The following KCNU1 variants were observed in gnomAD, a reference collection of about 807,000 sequenced individuals.
KCNU1 encodes the protein potassium calcium-activated channel subfamily U member 1.
In KCNU1, 93 loss-of-function variants were observed where a neutral mutation model predicts 126.8. The observed-to-expected ratio is 0.73, with a 90% CI of 0.62 to 0.87. The LOEUF is 0.87. Ranked by LOEUF, KCNU1 falls within the 40% of genes least tolerant of loss-of-function variation. The pLI is 0.00. For missense variants in KCNU1, 1,330 were observed against 1,367.1 expected, an observed-to-expected ratio of 0.97 and a Z score of 0.43; for synonymous variants, 523 against 494.2, an observed-to-expected ratio of 1.06 and a Z score of -0.77.
At chr8:36,854,643 A>G (rs1805468845) in intron 18 of KCNU1, among the ~76,000 whole-genome samples, 1 of 152,108 alleles carries the variant, frequency 6.6e-6, no homozygotes, top group African/African-American at 2.4e-5. Context: ...GGTTATTTAT[A>G]TATAGGTTTT....
intron 2 of KCNU1, among the ~76,000 whole-genome samples, chr8:36,797,890 T>C (rs1414408917): frequency 6.6e-6 from 1 of 152,216 alleles, no homozygotes; most frequent in East Asian, 1.9e-4. Flanking sequence ...ATGTAGCCTC[T>C]CTCCTCTGTT....
chr8:36,807,400 C>T lies in KCNU1; in HGVS notation c.606C>T (p.Arg202=). ...GTTTAAGGTTCCTAAGAGCCTTGCG[C>T]CTGCTAGAACTCCCTCAAATCTTGC... ...WLGLRFLRAL[R]LLELPQILQI... is the part of the protein sequence containing the mutation. The change falls in exon 6 of 27, where the codon CGC becomes CGT. Residue 202 remains arginine (R), a synonymous_variant. Transcript: ENST00000399881. The T allele has an allele frequency of 6.2e-7, 1 of 1,613,448 alleles. No homozygotes were observed. The highest frequency in any genetic ancestry group is 8.5e-7 in the Non-Finnish European group (1 of 1,179,500).
intron 2 of KCNU1, among the ~76,000 whole-genome samples, chr8:36,789,797 G>A (rs1438367169): frequency 6.6e-6 from 1 of 152,186 alleles, no homozygotes; most frequent in Non-Finnish European, 1.5e-5. Context: ...AGCAATTGAA[G>A]AATTAAGGAA....
chr8:36,860,300 A>G (rs1038481509), intron 18 of KCNU1, among the ~76,000 whole-genome samples: 2 of 152,118 alleles, frequency 1.3e-5, no homozygotes, highest in African/African-American at 2.4e-5. Flanking sequence ...GATGGTCTCA[A>G]TCTCCTGACC....
chr8:36,808,934 G>A, intron 7 of KCNU1, 141 bp downstream of exon 7: 1 of 614,894 alleles, frequency 1.6e-6, no homozygotes, highest in Non-Finnish European at 2.9e-6. Flanking sequence ...CCATTTTCAG[G>A]TTTTCTTTAC....
intron 19 of KCNU1, among the ~76,000 whole-genome samples, chr8:36,877,174 A>G (rs1406625143): frequency 6.6e-6 from 1 of 152,174 alleles, no homozygotes; most frequent in Non-Finnish European, 1.5e-5. Context: ...CATCTGGGCT[A>G]GCAGTTGGGG....
chr8:36,928,941 A>G, intron 24 of KCNU1: 1 of 685,094 alleles, frequency 1.5e-6, no homozygotes, highest in Non-Finnish European at 2.6e-6. Flanking sequence ...ACTCATTAAT[A>G]TCACTTCAGA....
chr8:36,877,115 G>A (rs983174037), intron 19 of KCNU1, among the ~76,000 whole-genome samples: 3 of 152,226 alleles, frequency 2.0e-5, no homozygotes, highest in Admixed American at 6.5e-5. Context: ...CAAAAATGAA[G>A]GGCAAAGCAG....
At chr8:36,929,929 C>A (rs1178307516) in intron 24 of KCNU1, among the ~76,000 whole-genome samples, 3 of 151,976 alleles carry the variant, frequency 2.0e-5, no homozygotes, top group Non-Finnish European at 4.4e-5. Flanking sequence ...CAAGGCAGAA[C>A]AAGAAGTAAA....
intron 9 of KCNU1, among the ~76,000 whole-genome samples, chr8:36,816,466 A>G (rs1803916054): frequency 6.6e-6 from 1 of 152,204 alleles, no homozygotes; most frequent in Non-Finnish European, 1.5e-5. Flanking sequence ...CTCTTAATAC[A>G]GTTGGATGAA....
rs1361182681 is a variant in KCNU1 at position 36,932,193 on chromosome 8, G to A, written c.2932-727G>A. 2.6e-5 allele frequency among the ~76,000 whole-genome samples: 4 copies of A among 152,078 alleles called. No individual in the cohort carries two copies. In the South Asian group the frequency reaches 8.3e-4, roughly 32 times the overall value. Reference sequence around the variant, plus strand: ...CCAGAAGCTCCCTCTTTGTAGTCTGGTCCTTTGCATTTCCGTAGTCCCGGA... The same window carrying A: ...CCAGAAGCTCCCTCTTTGTAGTCTGATCCTTTGCATTTCCGTAGTCCCGGA... On this transcript the variant is annotated intron_variant, in intron 25 of 26. Transcript: ENST00000399881.
At chr8:36,899,119 G>A (rs1229605735) in intron 19 of KCNU1, among the ~76,000 whole-genome samples, 1 of 152,040 alleles carries the variant, frequency 6.6e-6, no homozygotes, top group African/African-American at 2.4e-5. Flanking sequence ...AAAAAGCGCT[G>A]CAGAAAAGCT....
At chr8:36,837,460 G>A (rs1261159712) in intron 14 of KCNU1, among the ~76,000 whole-genome samples, 2 of 152,158 alleles carry the variant, frequency 1.3e-5, no homozygotes, top group Non-Finnish European at 2.9e-5. Context: ...ACCACATGAT[G>A]AGTGCCTACT....
chr8:36,909,940 T>C (rs1807800244), intron 21 of KCNU1, among the ~76,000 whole-genome samples: 1 of 152,238 alleles, frequency 6.6e-6, no homozygotes, highest in Non-Finnish European at 1.5e-5. Context: ...ATTTGTGCTC[T>C]AGCTTTTTCA....
rs562144863 is a variant in KCNU1, at chr8:36,880,225, G to A, written c.2009+15704G>A. On this transcript the variant is annotated intron_variant, in intron 19 of 26. Coordinates refer to ENST00000399881, the MANE Select transcript of KCNU1 (RefSeq NM_001031836.3). ...ATTGCTTATAGAATTTCATTTACTCGGATTGGCAGCTTGATAAATACGTCT... is the reference window on the plus strand; with the variant it reads ...ATTGCTTATAGAATTTCATTTACTCAGATTGGCAGCTTGATAAATACGTCT... Among the ~76,000 whole-genome samples the A allele has an allele frequency of 4.7e-4, 71 of 152,056 alleles. 1 individual carries two copies. The highest frequency in any genetic ancestry group is 1.6e-3 in the African/African-American group (68 of 41,474).
chr8:36,901,599 A>G (rs1049121586), intron 19 of KCNU1, among the ~76,000 whole-genome samples: 1 of 152,164 alleles, frequency 6.6e-6, no homozygotes, highest in African/African-American at 2.4e-5. Context: ...ACACAGCCAC[A>G]AGTGGATAGG....
intron 16 of KCNU1, among the ~76,000 whole-genome samples, chr8:36,845,083 A>G (rs1344238904): frequency 1.3e-5 from 2 of 152,244 alleles, no homozygotes; most frequent in African/African-American, 4.8e-5. Context: ...AACTGAAGTC[A>G]AAAGAAACGC....
rs114697286 is a variant in KCNU1 at position 36,906,872 on chromosome 8, C to T, written c.2106+1068C>T. 6.0e-3 allele frequency among the ~76,000 whole-genome samples: 916 copies of T among 152,094 alleles called. 15 individuals carry two copies. Among genetic ancestry groups the T allele is most frequent in the African/African-American group, 0.021 (875 of 41,522 alleles). ...CAATTATGTCTTATTCTGAACTGTA[C>T]GAAATAAACATCCGTTGAGCAGGAA... On this transcript the variant is annotated intron_variant, in intron 20 of 26. Coordinates refer to ENST00000399881, the MANE Select transcript of KCNU1 (RefSeq NM_001031836.3).
At chr8:36,887,464 T>G (rs1346381960) in intron 19 of KCNU1, among the ~76,000 whole-genome samples, 1 of 150,898 alleles carries the variant, frequency 6.6e-6, no homozygotes, top group Non-Finnish European at 1.5e-5. Context: ...TTTTTTTTTT[T>G]TTTTTGGAGA....
Sources: gnomAD v4.1 joint callset for allele counts (sites outside exome capture counted in the v4.1 genomes callset) on GRCh38, gnomAD v4.1.1 for gene constraint, MANE v1.5 for transcripts, NCBI Gene and HGNC (gene_info 2026-07-23, HGNC 2026-07-21) for gene names.